Variants in ARHGAP15 observed in about 807,000 individuals in gnomAD.
ARHGAP15 encodes the protein Rho GTPase activating protein 15, also known as rho GTPase-activating protein 15.
In ARHGAP15, 51 loss-of-function variants were observed where a neutral mutation model predicts 63.7. The ratio of observed to expected loss-of-function variants is 0.80; its 90% CI spans 0.64 to 1.01. The LOEUF (loss-of-function observed/expected upper bound fraction) is 1.01. ARHGAP15 is among the 50% of genes least tolerant of loss of function. ARHGAP15 has a pLI of 0.00. For missense variants in ARHGAP15, 560 were observed against 564.6 expected (o/e 0.99, Z 0.08); for synonymous variants, 191 against 193.8 (o/e 0.99, Z 0.12).
intron 6 of ARHGAP15, among the ~76,000 whole-genome samples, chr2:143,282,816 T>C (rs775527077): frequency 3.3e-5 from 5 of 152,162 alleles, no homozygotes; most frequent in Non-Finnish European, 4.4e-5. Context: ...ACTGGCATGC[T>C]ATTTAGAAGG....
At chr2:143,360,300 GC>G (rs1390955318) in intron 6 of ARHGAP15, among the ~76,000 whole-genome samples, 2 of 151,986 alleles carry the variant, frequency 1.3e-5, no homozygotes, top group Non-Finnish European at 2.9e-5. Context: ...AGGGAGGATT[GC>G]TTTAGCCCAA....
Position 143,585,420 on chromosome 2 carries a change from A to G in ARHGAP15, c.1003+28935A>G, listed in dbSNP as rs868454610. 3.9e-5 allele frequency among the ~76,000 whole-genome samples: 6 copies of G among 152,256 alleles called. 1 individual carries two copies. Among genetic ancestry groups the G allele is most frequent in the Middle Eastern group, 6.8e-3 (2 of 294 alleles). ...CATACATAAATATACACATAAATAAATATCTTAATATTTAGTGAACAACAC... is the reference window on the plus strand; with the variant it reads ...CATACATAAATATACACATAAATAAGTATCTTAATATTTAGTGAACAACAC... On this transcript the variant is annotated intron_variant, in intron 11 of 13. Coordinates refer to ENST00000295095, the MANE Select transcript of ARHGAP15 (RefSeq NM_018460.4).
chr2:143,707,844 CAG>C (rs1684401221), intron 13 of ARHGAP15, among the ~76,000 whole-genome samples: 1 of 152,058 alleles, frequency 6.6e-6, no homozygotes, highest in African/African-American at 2.4e-5. Flanking sequence ...TAAATAAAAT[CAG>C]AGATACAGTC....
At chr2:143,311,517 T>A (rs1239197081) in intron 6 of ARHGAP15, among the ~76,000 whole-genome samples, 20 of 152,144 alleles carry the variant, frequency 1.3e-4, no homozygotes, top group Admixed American at 1.3e-3. Context: ...ACATGCTGCA[T>A]ATCTTTAAGC....
chr2:143,529,672 C>T (rs1270968915), intron 10 of ARHGAP15, among the ~76,000 whole-genome samples: 1 of 152,086 alleles, frequency 6.6e-6, no homozygotes, highest in African/African-American at 2.4e-5. Flanking sequence ...TATTCCTTTC[C>T]CATGCTTTTC....
chr2:143,611,941 T>C (rs1474157259), intron 11 of ARHGAP15, among the ~76,000 whole-genome samples: 1 of 152,196 alleles, frequency 6.6e-6, no homozygotes, highest in African/African-American at 2.4e-5. Flanking sequence ...TACTATTTAG[T>C]TCTGGCCTTC....
At chr2:143,414,118 A>G (rs985214479) in intron 6 of ARHGAP15, among the ~76,000 whole-genome samples, 3 of 151,396 alleles carry the variant, frequency 2.0e-5, no homozygotes, top group African/African-American at 7.3e-5. Context: ...ATATATATGT[A>G]TATGTATACT....
intron 9 of ARHGAP15, among the ~76,000 whole-genome samples, chr2:143,488,012 C>T (rs1692403758): frequency 6.6e-6 from 1 of 152,318 alleles, no homozygotes; most frequent in Non-Finnish European, 1.5e-5. Context: ...AGTCTAAAAA[C>T]TCAATCCAAA....
chr2:143,485,411 G>A (rs2105222982), intron 8 of ARHGAP15, among the ~76,000 whole-genome samples: 2 of 152,196 alleles, frequency 1.3e-5, no homozygotes, highest in Admixed American at 1.3e-4. Context: ...TAGATAGATG[G>A]TAGATATGTA....
chr2:143,496,040 G>A (rs1574531022), intron 9 of ARHGAP15, among the ~76,000 whole-genome samples: 2 of 152,134 alleles, frequency 1.3e-5, no homozygotes, highest in Admixed American at 6.5e-5. Context: ...TGATCTTTAC[G>A]TGTGCGCTGT....
intron 13 of ARHGAP15, among the ~76,000 whole-genome samples, chr2:143,707,549 G>C (rs746236395): frequency 7.9e-5 from 12 of 152,298 alleles, no homozygotes; most frequent in Admixed American, 1.3e-4. Flanking sequence ...GGTTGGGATG[G>C]ACAGCTAACA....
At chr2:143,379,119 A>G (rs997996202) in intron 6 of ARHGAP15, among the ~76,000 whole-genome samples, 1 of 152,032 alleles carries the variant, frequency 6.6e-6, no homozygotes, top group African/African-American at 2.4e-5. Flanking sequence ...CACTCATTAA[A>G]AGCAGAGATG....
At chr2:143,414,761 C>T (rs1038452415) in intron 6 of ARHGAP15, among the ~76,000 whole-genome samples, 51 of 152,236 alleles carry the variant, frequency 3.4e-4, no homozygotes, top group African/African-American at 1.2e-3. Flanking sequence ...TGGTAAAACC[C>T]TGTCTCTTGT....
chr2:143,547,700 T>G (rs986454751), intron 10 of ARHGAP15, among the ~76,000 whole-genome samples: 3 of 143,344 alleles, frequency 2.1e-5, no homozygotes, highest in South Asian at 2.2e-4. Flanking sequence ...TTTTTTTTTT[T>G]GTAACATTTG....
At position 143,503,107 on chromosome 2, in the gene ARHGAP15, C is replaced by A. The variant is rs181415724; in HGVS notation, c.826+15612C>A. Among the ~76,000 whole-genome samples the A allele has an allele frequency of 3.6e-3, 547 of 152,252 alleles. 2 individuals carry two copies. Among genetic ancestry groups the A allele is most frequent in the Non-Finnish European group, 5.8e-3 (395 of 68,008 alleles). On this transcript the variant is annotated intron_variant, in intron 9 of 13. Transcript: ENST00000295095. ...AGCCTTTTGGCTCAGCCTTTTGCCC[C>A]CGTTATGACCAGCCTAGAATCCTAG...
rs576408453 is a variant in ARHGAP15 at position 143,332,169 on chromosome 2, G to C, written c.474+81569G>C. The stretch of plus-strand genomic sequence containing the variant: ...AGATCATGGTATCAATTCAAACAAA[G>C]AAATTGATGTCCTGGGAACTGGTTA... On this transcript the variant is annotated intron_variant, in intron 6 of 13. Coordinates refer to ENST00000295095, the MANE Select transcript of ARHGAP15 (RefSeq NM_018460.4). Among the ~76,000 whole-genome samples the C allele has an allele frequency of 8.1e-4, 123 of 152,176 alleles. 2 individuals are homozygous for C. The South Asian group carries it at 0.024, about 30-fold the overall frequency.
chr2:143,413,966 T>TGTGTGCGCGCGCGCGTGCACGC, intron 6 of ARHGAP15, among the ~76,000 whole-genome samples: 1 of 117,910 alleles, frequency 8.5e-6, no homozygotes, highest in African/African-American at 3.5e-5. Context: ...TGTGTGTGTG[T>TGTGTGCGCGCGCGCGTGCACGC]GCGCGCTCTC....
intron 5 of ARHGAP15, among the ~76,000 whole-genome samples, chr2:143,231,887 G>C (rs990484167): frequency 3.3e-5 from 5 of 152,136 alleles, no homozygotes; most frequent in African/African-American, 9.7e-5. Flanking sequence ...GCAGACGTTC[G>C]TGTCTTTTCA....
intron 12 of ARHGAP15, among the ~76,000 whole-genome samples, chr2:143,641,882 T>C (rs1680616808): frequency 6.6e-6 from 1 of 152,098 alleles, no homozygotes; most frequent in South Asian, 2.1e-4. Flanking sequence ...TTTTCAGAGA[T>C]ATGCACCAGG....
Sources: allele counts gnomAD v4.1 joint callset (sites outside exome capture counted in the v4.1 genomes callset), GRCh38; gene constraint gnomAD v4.1.1; transcripts MANE v1.5; gene names NCBI Gene and HGNC (gene_info 2026-07-23, HGNC 2026-07-21).